The following ZNF12 variants were observed in gnomAD, a reference collection of about 807,000 sequenced individuals.
ZNF12 encodes the protein gonadotropin inducible transcription repressor 3.
Under a neutral mutation model 66.6 loss-of-function variants are expected in ZNF12, and 34 were observed. The ratio of observed to expected loss-of-function variants is 0.51; its 90% CI spans 0.39 to 0.68. The LOEUF is 0.68. ZNF12 is among the 30% of genes least tolerant of loss of function. ZNF12 has a pLI of 0.00. For missense variants in ZNF12, 697 were observed against 826.9 expected, an observed-to-expected ratio of 0.84 and a Z score of 1.93; for synonymous variants, 320 against 278.9, an observed-to-expected ratio of 1.15 and a Z score of -1.47.
In ZNF12 at chr7:6,691,607, G is replaced by A. The variant is rs1194195300; in HGVS notation, c.1335C>T (p.Phe445=). ...CAGTGAGATATGACAACCGAGAGAA[G>A]AATTTTCCACACTCATTACATTCAT... ...KPYECNECGK[F]FSRLSYLTVH... The change falls in exon 5 of 5, where the codon TTC becomes TTT. Residue 445 remains phenylalanine (F), a synonymous_variant. Transcript: ENST00000405858. 6.2e-7 allele frequency: 1 copy of A among 1,614,016 alleles called. No individual in the cohort carries two copies. The highest frequency in any genetic ancestry group is 1.1e-5 in the South Asian group (1 of 91,066).
Position 6,689,805 on chromosome 7 carries a change from C to T in ZNF12, c.*1043G>A, listed in dbSNP as rs1040504029. 2 of 152,438 alleles carry T rather than the reference C, an allele frequency of 1.3e-5. No individual in the cohort carries two copies. Among genetic ancestry groups the T allele is most frequent in the Non-Finnish European group, 2.9e-5 (2 of 68,012 alleles). 9.4% of individuals were successfully genotyped at this position (152,438 alleles called of 1,614,324 possible). On this transcript the variant is annotated 3_prime_UTR_variant, in exon 5 of 5. Transcript: ENST00000405858. ...AGGAGTAGAGCACAAGGTTTAAAAC[C>T]AGTACGACATCAAATGAAAACACAG... is the stretch of plus-strand genomic sequence containing the variant.
chr7:6,691,619 C>G lies in ZNF12; in HGVS notation c.1323G>C (p.Glu441Asp). Residue 441 changes from glutamate to aspartate, a missense_variant, in exon 5 of 5, where the codon GAG becomes GAC. Glu to Asp is a conservative substitution (Grantham distance 45). Transcript: ENST00000405858. ...HTGEKPYECN[E>D]CGKFFSRLSY... ...ACAACCGAGAGAAGAATTTTCCACA[C>G]TCATTACATTCATACGGTTTCTCTC... 1 of 1,613,638 alleles carries G rather than the reference C, an allele frequency of 6.2e-7. No individual in the cohort carries two copies. Among genetic ancestry groups the G allele is most frequent in the Non-Finnish European group, 8.5e-7 (1 of 1,179,822 alleles).
rs1340928721 is a variant in ZNF12, at chr7:6,692,767, G to A, written c.239-64C>T. The A allele has an allele frequency of 4.8e-6, 7 of 1,457,790 alleles. No individual in the cohort carries two copies. The East Asian group carries it at 1.2e-4, about 24-fold the overall frequency. 90.3% of individuals were successfully genotyped at this position (1,457,790 alleles called of 1,614,324 possible). A position where few individuals can be genotyped will look rare whatever the true frequency, so the allele number is the denominator to read the frequency against. On this transcript the variant is annotated intron_variant, in intron 4 of 4. Coordinates refer to ENST00000405858, the MANE Select transcript of ZNF12 (RefSeq NM_016265.4). This position sits in a 1 kb window ranked among gnomAD's most constrained non-coding sequence, Gnocchi z 5.1. ...CCTATATATATATGATATGGAATGA[G>A]ATTCATGATTTGTACACACGCATCT... is the stretch of plus-strand genomic sequence containing the variant.
At position 6,697,282 on chromosome 7, in the gene ZNF12, A is replaced by G. The variant is rs1183946319; in HGVS notation, c.238+57T>C. The G allele has an allele frequency of 3.6e-6, 5 of 1,387,620 alleles. No homozygotes were observed. The highest frequency in any genetic ancestry group is 4.0e-6 in the Non-Finnish European group (4 of 999,750). 86.0% of individuals were successfully genotyped at this position (1,387,620 alleles called of 1,614,324 possible). On this transcript the variant is annotated intron_variant, in intron 4 of 4. Transcript: ENST00000405858. This position sits in a 1 kb window ranked among gnomAD's most constrained non-coding sequence, Gnocchi z 6.1. ...TCTAAAGGTTCGGGACCATTAAAAA[A>G]TCCCTGGGAAAAACACTCCCAAGTT...
At position 6,704,715 on chromosome 7, in the gene ZNF12, G is replaced by A. The variant is rs112319697; in HGVS notation, c.15+444C>T. Among the ~76,000 whole-genome samples the A allele has an allele frequency of 3.9e-3, 506 of 128,186 alleles. 7 individuals carry two copies. Among genetic ancestry groups the A allele is most frequent in the African/African-American group, 0.015 (482 of 31,856 alleles). 84.1% of individuals were successfully genotyped at this position (128,186 alleles called of 152,430 possible). ...AGATAGCGCCACTGCACTCCAGCCT[G>A]GTGACAGAGCGCAATACTTGGTCTC... On this transcript the variant is annotated intron_variant, in intron 2 of 4. Coordinates refer to ENST00000405858, the MANE Select transcript of ZNF12 (RefSeq NM_016265.4).
chr7:6,702,353 G>GATTCGTCTCCCAAACTC (rs1780261871), intron 2 of ZNF12, among the ~76,000 whole-genome samples: 1 of 7,724 alleles, frequency 1.3e-4, no homozygotes, highest in Non-Finnish European at 2.7e-4. Context: ...CTACACACAC[G>GATTCGTCTCCCAAACTC]CACACACACC....
rs1780038929 is a variant in ZNF12 at position 6,689,865 on chromosome 7, C to G, written c.*983G>C. 1 of 152,528 alleles carries G rather than the reference C, an allele frequency of 6.6e-6. No individual in the cohort carries two copies. The highest frequency in any genetic ancestry group is 6.6e-5 in the Admixed American group (1 of 15,262). The allele number at this position is 152,528 out of a possible 1,614,324, so 9.4% of individuals were successfully genotyped here. On this transcript the variant is annotated 3_prime_UTR_variant, in exon 5 of 5. Coordinates refer to ENST00000405858, the MANE Select transcript of ZNF12 (RefSeq NM_016265.4). Reference sequence around the variant, plus strand: ...ATGTTACACAGCATTGTGCTCTGCACTGTTATGTAAGTGTCCAAATAAAAA... The same window carrying G: ...ATGTTACACAGCATTGTGCTCTGCAGTGTTATGTAAGTGTCCAAATAAAAA...
rs1780080462 is a variant in ZNF12, at chr7:6,692,184, A to G, written c.758T>C (p.Met253Thr). Residue 253 changes from methionine (M) to threonine (T), a missense_variant, in exon 5 of 5, where the codon ATG becomes ACG. Transcript: ENST00000405858. This position sits in a 1 kb window ranked among gnomAD's most constrained non-coding sequence, Gnocchi z 5.1. Reference protein sequence around the residue: ...WNGSEIAFLQMSDLTVHQTSH... With the variant: ...WNGSEIAFLQTSDLTVHQTSH... ...TGTCTGATGTACAGTGAGGTCCGAC[A>G]TCTGGAGAAAGGCTATTTCAGATCC... 8 of 1,613,998 alleles carry G rather than the reference A, an allele frequency of 5.0e-6. No homozygotes were observed. In the South Asian group the frequency reaches 7.7e-5, roughly 16 times the overall value.
At position 6,696,576 on chromosome 7, in the gene ZNF12, G is replaced by A. The variant is rs148546573; in HGVS notation, c.238+763C>T. On this transcript the variant is annotated intron_variant, in intron 4 of 4. Transcript: ENST00000405858. The surrounding 1 kb of genome is among the most constrained non-coding windows in gnomAD (Gnocchi z 4.0). ...CCCTTTGAGAAACTCATAATGCGAG[G>A]AAATCACAGTAGGTAGAAACAGACC... Among the ~76,000 whole-genome samples, 22 of 152,258 alleles carry A rather than the reference G, an allele frequency of 1.4e-4. No homozygotes were observed. The East Asian group carries it at 3.9e-3, about 27-fold the overall frequency.
Position 6,697,530 on chromosome 7 carries a change from C to A in ZNF12, c.143-96G>T. 1 of 1,525,012 alleles carries A rather than the reference C, an allele frequency of 6.6e-7. No homozygotes were observed. The highest frequency in any genetic ancestry group is 9.0e-7 in the Non-Finnish European group (1 of 1,115,634). The allele number at this position is 1,525,012 out of a possible 1,614,324, so 94.5% of individuals were successfully genotyped here. Reference sequence around the variant, plus strand: ...AATTCCATTTGTGTCTTATCAAAATCAGAACTTTTCACGGGGGAGATCAAG... The same window carrying A: ...AATTCCATTTGTGTCTTATCAAAATAAGAACTTTTCACGGGGGAGATCAAG... On this transcript the variant is annotated intron_variant, in intron 3 of 4. Transcript: ENST00000405858. The surrounding 1 kb of genome is among the most constrained non-coding windows in gnomAD (Gnocchi z 6.1).
chr7:6,697,237 A>C lies in ZNF12; in HGVS notation c.238+102T>G. 3 of 825,682 alleles carry C rather than the reference A, an allele frequency of 3.6e-6. No individual in the cohort carries two copies. Among genetic ancestry groups the C allele is most frequent in the Non-Finnish European group, 5.7e-6 (3 of 528,024 alleles). 51.1% of individuals were successfully genotyped at this position (825,682 alleles called of 1,614,324 possible). On this transcript the variant is annotated intron_variant, in intron 4 of 4. Transcript: ENST00000405858. This position sits in a 1 kb window ranked among gnomAD's most constrained non-coding sequence, Gnocchi z 6.1. ...GAGATTCAGGTTCATAGAGCATATAAGCAACTATTTCTAGTCACTTCTAAA... is the reference window on the plus strand; with the variant it reads ...GAGATTCAGGTTCATAGAGCATATACGCAACTATTTCTAGTCACTTCTAAA...
rs574987765 is a variant in ZNF12, at chr7:6,698,664, AG to A, written c.16-854del. Among the ~76,000 whole-genome samples, 225 of 152,364 alleles carry A rather than the reference AG, an allele frequency of 1.5e-3. 1 individual carries two copies. The highest frequency in any genetic ancestry group is 5.1e-3 in the African/African-American group (212 of 41,582). On this transcript the variant is annotated intron_variant, in intron 2 of 4. Transcript: ENST00000405858. The surrounding 1 kb of genome is among the most constrained non-coding windows in gnomAD (Gnocchi z 4.4). ...TGAATTATCAGTAATAGCTTGGTTC[AG>A]GTTTTCCTAATTCCCAGCTGGGAAC...
chr7:6,697,930 G>C lies in ZNF12; in HGVS notation c.16-119C>G. On this transcript the variant is annotated intron_variant, in intron 2 of 4. Coordinates refer to ENST00000405858, the MANE Select transcript of ZNF12 (RefSeq NM_016265.4). This position sits in a 1 kb window ranked among gnomAD's most constrained non-coding sequence, Gnocchi z 6.1. ...CTGTATACCTTTATTTTATGTTACA[G>C]ACTGTCAAAGGGAAACAAACATATC... is the stretch of plus-strand genomic sequence containing the variant. The C allele has an allele frequency of 2.6e-6, 3 of 1,147,120 alleles. No individual in the cohort carries two copies. Among genetic ancestry groups the C allele is most frequent in the Non-Finnish European group, 3.9e-6 (3 of 762,864 alleles). The allele number at this position is 1,147,120 out of a possible 1,614,324, so 71.1% of individuals were successfully genotyped here.
Position 6,691,798 on chromosome 7 carries a change from C to T in ZNF12, c.1144G>A (p.Val382Ile). ...AAGGTTTTCCCACAGTCATGACAAACATAAGGTCTCTCTCCTGAATGTGTT... is the reference window on the plus strand; with the variant it reads ...AAGGTTTTCCCACAGTCATGACAAATATAAGGTCTCTCTCCTGAATGTGTT... ...QRTHSGERPY[V>I]CHDCGKTFSQ... Residue 382 changes from valine (V) to isoleucine (I), a missense_variant, in exon 5 of 5, where the codon GTT becomes ATT. Transcript: ENST00000405858. 2 of 1,614,028 alleles carry T rather than the reference C, an allele frequency of 1.2e-6. No individual in the cohort carries two copies. Among genetic ancestry groups the T allele is most frequent in the South Asian group, 2.2e-5 (2 of 91,084 alleles).
intron 2 of ZNF12, among the ~76,000 whole-genome samples, chr7:6,700,300 A>ATACACACAC (rs56744561): frequency 5.9e-5 from 5 of 85,446 alleles, no homozygotes; most frequent in African/African-American, 3.2e-4. Context: ...AAAAAAAAAA[A>ATACACACAC]ATATACACAC....
At position 6,691,592 on chromosome 7, in the gene ZNF12, T is replaced by C; in HGVS notation, c.1350A>G (p.Ser450=). 1 of 1,614,154 alleles carries C rather than the reference T, an allele frequency of 6.2e-7. No individual in the cohort carries two copies. Among genetic ancestry groups the C allele is most frequent in the East Asian group, 2.2e-5 (1 of 44,890 alleles). The change falls in exon 5 of 5, where the codon TCA becomes TCG. Residue 450 remains serine (S), a synonymous_variant. Transcript: ENST00000405858. The part of the protein sequence containing the change: ...NECGKFFSRL[S]YLTVHYRTHS... ...GAGTTCTATAATGTACAGTGAGATA[T>C]GACAACCGAGAGAAGAATTTTCCAC...
At position 6,689,873 on chromosome 7, in the gene ZNF12, T is replaced by G. The variant is rs1165679680; in HGVS notation, c.*975A>C. 1 of 152,614 alleles carries G rather than the reference T, an allele frequency of 6.6e-6. No individual in the cohort carries two copies. The highest frequency in any genetic ancestry group is 1.5e-5 in the Non-Finnish European group (1 of 68,044). The allele number at this position is 152,614 out of a possible 1,614,324, so 9.5% of individuals were successfully genotyped here. A position where few individuals can be genotyped will look rare whatever the true frequency, so the allele number is the denominator to read the frequency against. On this transcript the variant is annotated 3_prime_UTR_variant, in exon 5 of 5. Coordinates refer to ENST00000405858, the MANE Select transcript of ZNF12 (RefSeq NM_016265.4). ...CAGCATTGTGCTCTGCACTGTTATG[T>G]AAGTGTCCAAATAAAAAACAGTAGA...
At position 6,697,552 on chromosome 7, in the gene ZNF12, C is replaced by A; in HGVS notation, c.143-118G>T. On this transcript the variant is annotated intron_variant, in intron 3 of 4. Transcript: ENST00000405858. This position sits in a 1 kb window ranked among gnomAD's most constrained non-coding sequence, Gnocchi z 6.1. ...AATCAGAACTTTTCACGGGGGAGAT[C>A]AAGACCAAAATGCCCTGCCTGGTGC... The A allele has an allele frequency of 6.5e-7, 1 of 1,531,026 alleles. No individual in the cohort carries two copies. The highest frequency in any genetic ancestry group is 1.2e-5 in the South Asian group (1 of 83,058). 94.8% of individuals were successfully genotyped at this position (1,531,026 alleles called of 1,614,324 possible).
intron 4 of ZNF12, among the ~76,000 whole-genome samples, chr7:6,694,155 A>G (rs1298293552): frequency 6.6e-6 from 1 of 151,504 alleles, no homozygotes; most frequent in East Asian, 1.9e-4. Context: ...TGACAGAGTG[A>G]GAATCTGTCT....
Sources: allele counts gnomAD v4.1 joint callset (sites outside exome capture counted in the v4.1 genomes callset), GRCh38; gene constraint gnomAD v4.1.1; non-coding constraint Gnocchi (gnomAD v3.1); transcripts MANE v1.5; gene names NCBI Gene and HGNC (gene_info 2026-07-23, HGNC 2026-07-21).